The following NDUFAF5 variants were observed in gnomAD, a reference collection of about 807,000 sequenced individuals.
NDUFAF5 encodes NADH:ubiquinone oxidoreductase complex assembly factor 5, also known as arginine-hydroxylase NDUFAF5, mitochondrial.
NDUFAF5 carries 34 observed loss-of-function variants against 48.9 expected under a neutral mutation model. The ratio of observed to expected loss-of-function variants is 0.70; its 90% CI spans 0.53 to 0.93. The LOEUF (loss-of-function observed/expected upper bound fraction) is 0.93. Among genes scored for constraint, NDUFAF5 ranks in the 40% least tolerant of loss-of-function variants. The pLI is 0.00. For synonymous variants in NDUFAF5, 153 were observed against 150.6 expected, an observed-to-expected ratio of 1.02 and a Z score of -0.12; for missense variants, 428 against 427.5, an observed-to-expected ratio of 1.00 and a Z score of -0.01.
At chr20:13,813,438 A>G (rs1986108615) in intron 8 of NDUFAF5, among the ~76,000 whole-genome samples, 1 of 152,224 alleles carries the variant, frequency 6.6e-6, no homozygotes, top group Non-Finnish European at 1.5e-5. Flanking sequence ...AGATATAATC[A>G]TTAACAGGTT....
At chr20:13,797,622 G>A (rs1046744925) in intron 5 of NDUFAF5, among the ~76,000 whole-genome samples, 1 of 152,090 alleles carries the variant, frequency 6.6e-6, no homozygotes, top group Non-Finnish European at 1.5e-5. Flanking sequence ...GATTTTTAGG[G>A]CAGTAAAGCT....
In NDUFAF5 at chr20:13,821,169, A is replaced by G. The variant is rs537962871; in HGVS notation, c.*3959A>G. On this transcript the variant is annotated 3_prime_UTR_variant, in exon 11 of 11. Transcript: ENST00000378106. The stretch of plus-strand genomic sequence containing the variant: ...TAAAATCTATCCACAAATTTTTGAT[A>G]TGCTTCTCTTTAAGACGGGACACTT... 6.6e-6 allele frequency: 1 copy of G among 152,330 alleles called. No individual in the cohort carries two copies. The highest frequency in any genetic ancestry group is 2.4e-5 in the African/African-American group (1 of 41,582). 9.4% of individuals were successfully genotyped at this position (152,330 alleles called of 1,614,324 possible). A position where few individuals can be genotyped will look rare whatever the true frequency, so the allele number is the denominator to read the frequency against.
chr20:13,787,384 C>G, intron 2 of NDUFAF5, 32 bp downstream of exon 2: 1 of 1,603,286 alleles, frequency 6.2e-7, no homozygotes, highest in Non-Finnish European at 8.5e-7. Flanking sequence ...ACAATACCAT[C>G]AACTTTTGAG....
rs778555543 is a variant in NDUFAF5 at position 13,785,286 on chromosome 20, A to G, written c.218A>G (p.Glu73Gly). The change falls in exon 1 of 11, where the codon GAG becomes GGG. Residue 73 changes from glutamate (E) to glycine (G), a missense_variant. Transcript: ENST00000378106. ...PEPTKFDYLK[E>G]EVGSRIADRV... ...CCGACCAAATTTGACTACCTGAAGGAGGAGGTGAGCCCGCGGGGCGGCGGG... is the reference window on the plus strand; with the variant it reads ...CCGACCAAATTTGACTACCTGAAGGGGGAGGTGAGCCCGCGGGGCGGCGGG... 17 of 1,523,478 alleles carry G rather than the reference A, an allele frequency of 1.1e-5. 1 individual carries two copies. The South Asian group carries it at 1.9e-4, about 17-fold the overall frequency. 94.4% of individuals were successfully genotyped at this position (1,523,478 alleles called of 1,614,324 possible).
intron 7 of NDUFAF5, among the ~76,000 whole-genome samples, chr20:13,803,644 A>G (rs1984547413): frequency 1.3e-5 from 2 of 152,268 alleles, no homozygotes; most frequent in African/African-American, 4.8e-5. Context: ...CTTTTTGTAT[A>G]GTGAATTAAC....
In NDUFAF5 at chr20:13,785,258, G is replaced by A. The variant is rs147117631; in HGVS notation, c.190G>A (p.Glu64Lys). ...GAAGAACTGGGCAGCCCGGCAGCCC[G>A]AGCCGACCAAATTTGACTACCTGAA... ...KQKNWAARQPEPTKFDYLKEE... is the reference protein window; with the variant it reads ...KQKNWAARQPKPTKFDYLKEE... Residue 64 changes from glutamate to lysine, a missense_variant, in exon 1 of 11, where the codon GAG (glutamate) becomes AAG (lysine). Physicochemically the swap from Glu to Lys is moderately conservative, Grantham distance 56 (BLOSUM62 1). Coordinates refer to ENST00000378106, the MANE Select transcript of NDUFAF5 (RefSeq NM_024120.5). 2.1e-4 allele frequency: 334 copies of A among 1,612,830 alleles called. 1 individual carries two copies. In the African/African-American group the frequency reaches 3.4e-3, roughly 16 times the overall value.
chr20:13,801,156 C>T (rs1410484819), intron 6 of NDUFAF5, among the ~76,000 whole-genome samples: 2 of 152,126 alleles, frequency 1.3e-5, no homozygotes, highest in African/African-American at 4.8e-5. Flanking sequence ...GTGATTTTTG[C>T]AGCCTACCCC....
chr20:13,792,040 C>G (rs150257617), intron 3 of NDUFAF5, among the ~76,000 whole-genome samples: 22 of 152,334 alleles, frequency 1.4e-4, no homozygotes, highest in African/African-American at 5.3e-4. Flanking sequence ...CAACCAAGAG[C>G]CAGCACACCA....
chr20:13,809,740 G>A (rs1014841877), intron 8 of NDUFAF5, among the ~76,000 whole-genome samples: 4 of 152,230 alleles, frequency 2.6e-5, no homozygotes, highest in South Asian at 2.1e-4. Flanking sequence ...ATTAATTTCA[G>A]TATAGCTTGC....
chr20:13,808,788 C>T, intron 7 of NDUFAF5, 54 bp from the exon 8 acceptor site: 1 of 1,269,836 alleles, frequency 7.9e-7, no homozygotes, highest in Non-Finnish European at 1.1e-6. Flanking sequence ...TTTTTTAAAT[C>T]TGGAATTTTG....
chr20:13,792,517 A>C (rs932457733), intron 3 of NDUFAF5, among the ~76,000 whole-genome samples: 3 of 152,224 alleles, frequency 2.0e-5, no homozygotes, highest in African/African-American at 7.2e-5. Flanking sequence ...AGGAAGAAGT[A>C]GAGTTGTGGA....
chr20:13,787,661 G>A (rs775745125), intron 2 of NDUFAF5, among the ~76,000 whole-genome samples: 2 of 152,120 alleles, frequency 1.3e-5, no homozygotes, highest in Non-Finnish European at 1.5e-5. Context: ...AACAACATGC[G>A]AATTTTTAAC....
intron 8 of NDUFAF5, among the ~76,000 whole-genome samples, chr20:13,809,791 AGAT>A (rs1985599870): frequency 6.6e-6 from 1 of 152,202 alleles, no homozygotes; most frequent in Admixed American, 6.5e-5. Flanking sequence ...GTGGCAATGG[AGAT>A]GAAGAGAAGC....
intron 7 of NDUFAF5, among the ~76,000 whole-genome samples, chr20:13,808,551 G>A (rs1269214971): frequency 6.6e-6 from 1 of 152,132 alleles, no homozygotes; most frequent in African/African-American, 2.4e-5. Context: ...TTGGAGGAGA[G>A]GGCAATGGTT....
chr20:13,811,883 C>G (rs140473698), intron 8 of NDUFAF5, among the ~76,000 whole-genome samples: 1 of 152,010 alleles, frequency 6.6e-6, no homozygotes, highest in African/African-American at 2.4e-5. Context: ...TCTGTGAATC[C>G]AGAACTACAC....
Position 13,816,465 on chromosome 20 carries a change from A to G in NDUFAF5, c.781A>G (p.Met261Val), listed in dbSNP as rs1986468233. 1 of 1,611,882 alleles carries G rather than the reference A, an allele frequency of 6.2e-7. No homozygotes were observed. Among genetic ancestry groups the G allele is most frequent in the Non-Finnish European group, 8.5e-7 (1 of 1,177,982 alleles). The change falls in exon 9 of 11, where the codon ATG becomes GTG. Residue 261 changes from methionine (M) to valine (V), a missense_variant and splice_region_variant. Met to Val is a conservative substitution (Grantham distance 21). Transcript: ENST00000378106. ...AACTACCTGTAGTGTATTTGTAGGT[A>G]TGGGTGAGAGTAACTGTGCTTGGAA... ...MFELMEDLQGMGESNCAWNRK... is the reference protein window; with the variant it reads ...MFELMEDLQGVGESNCAWNRK...
intron 7 of NDUFAF5, among the ~76,000 whole-genome samples, chr20:13,802,669 C>CT (rs1984361094): frequency 2.9e-5 from 1 of 33,978 alleles, no homozygotes; most frequent in Non-Finnish European, 5.5e-5. Flanking sequence ...AAATTCCCGT[C>CT]TCAAAAAAAA....
intron 7 of NDUFAF5, among the ~76,000 whole-genome samples, chr20:13,804,304 A>ATTTTGAC (rs1984672214): frequency 1.3e-5 from 2 of 152,100 alleles, no homozygotes; most frequent in African/African-American, 4.8e-5. Context: ...TATGAAAATA[A>ATTTTGAC]TTTTGACTTT....
rs376793649 is a variant in NDUFAF5, at chr20:13,796,068, GTCAAA to G, written c.479+1129_479+1133del. 1.3e-3 allele frequency among the ~76,000 whole-genome samples: 194 copies of G among 152,240 alleles called. 1 individual carries two copies. The highest frequency in any genetic ancestry group is 4.4e-3 in the African/African-American group (184 of 41,538). ...GGTATCTTCTTTCTCCTGTCTTATA[GTCAAA>G]TAGATTTTCTTTCAGAAGTTCAGCA... On this transcript the variant is annotated intron_variant, in intron 5 of 10. Coordinates refer to ENST00000378106, the MANE Select transcript of NDUFAF5 (RefSeq NM_024120.5).
Sources: allele counts gnomAD v4.1 joint callset (sites outside exome capture counted in the v4.1 genomes callset), GRCh38; gene constraint gnomAD v4.1.1; transcripts MANE v1.5; gene names NCBI Gene and HGNC (gene_info 2026-07-23, HGNC 2026-07-21).